KCNAB1: variants seen among roughly 807,000 people sequenced by gnomAD.
The protein encoded by KCNAB1 is voltage-gated potassium channel subunit beta-1.
KCNAB1 carries 35 observed loss-of-function variants against 64.6 expected under a neutral mutation model. The ratio of observed to expected loss-of-function variants is 0.54; its 90% CI spans 0.41 to 0.72. The LOEUF (loss-of-function observed/expected upper bound fraction) is 0.72. KCNAB1 is among the 30% of genes least tolerant of loss of function. The pLI is 0.00. For missense variants in KCNAB1, 401 were observed against 512.9 expected (o/e 0.78, Z 2.11); for synonymous variants, 177 against 183.8 (o/e 0.96, Z 0.30).
At chr3:156,289,130 C>T (rs1205878578) in intron 1 of KCNAB1, among the ~76,000 whole-genome samples, 1 of 152,238 alleles carries the variant, frequency 6.6e-6, no homozygotes, top group Non-Finnish European at 1.5e-5. Flanking sequence ...TCAGAAATTG[C>T]TCTGCTAGTT....
At chr3:156,370,031 A>T (rs901673621) in intron 1 of KCNAB1, among the ~76,000 whole-genome samples, 3 of 152,234 alleles carry the variant, frequency 2.0e-5, no homozygotes, top group Non-Finnish European at 4.4e-5. Context: ...GTTCATAAAA[A>T]GGGACAATAT....
At chr3:156,482,892 A>G (rs1277560259) in intron 8 of KCNAB1, among the ~76,000 whole-genome samples, 1 of 152,092 alleles carries the variant, frequency 6.6e-6, no homozygotes, top group Non-Finnish European at 1.5e-5. Context: ...ATGCAATTGT[A>G]GTCTCCAGGT....
intron 11 of KCNAB1, among the ~76,000 whole-genome samples, chr3:156,522,153 T>A (rs151220265): frequency 4.0e-5 from 6 of 148,162 alleles, no homozygotes; most frequent in African/African-American, 1.5e-4. Flanking sequence ...ACATGCATGG[T>A]ATATACTGAA....
At chr3:156,292,574 G>A (rs1173585507) in intron 1 of KCNAB1, among the ~76,000 whole-genome samples, 1 of 152,162 alleles carries the variant, frequency 6.6e-6, no homozygotes, top group Non-Finnish European at 1.5e-5. Context: ...GTCTCGCTCT[G>A]TTGCCCAGGC....
intron 12 of KCNAB1, among the ~76,000 whole-genome samples, chr3:156,529,597 C>T (rs186428479): frequency 1.1e-4 from 16 of 152,226 alleles, no homozygotes; most frequent in African/African-American, 3.1e-4. Context: ...ATCAGAAACT[C>T]AGCGGGTGAG....
intron 1 of KCNAB1, among the ~76,000 whole-genome samples, chr3:156,140,811 A>T (rs926315753): frequency 6.6e-6 from 1 of 152,226 alleles, no homozygotes; most frequent in African/African-American, 2.4e-5. Flanking sequence ...TTTGAATTGC[A>T]AGTGGAATTT....
intron 8 of KCNAB1, among the ~76,000 whole-genome samples, chr3:156,504,889 G>A (rs1013053294): frequency 6.6e-6 from 1 of 151,792 alleles, no homozygotes; most frequent in East Asian, 1.9e-4. Flanking sequence ...CTCCTTTGCT[G>A]TGCAGAAGCT....
At chr3:156,233,687 G>T (rs1217646098) in intron 1 of KCNAB1, among the ~76,000 whole-genome samples, 1 of 152,154 alleles carries the variant, frequency 6.6e-6, no homozygotes, top group Non-Finnish European at 1.5e-5. Flanking sequence ...TGGAGAATGA[G>T]GTGGCCCAGG....
intron 1 of KCNAB1, among the ~76,000 whole-genome samples, chr3:156,195,105 A>T (rs963724660): frequency 6.6e-6 from 1 of 152,082 alleles, no homozygotes; most frequent in Non-Finnish European, 1.5e-5. Context: ...TCCCTGCAAA[A>T]GATATGACCT....
At chr3:156,157,980 G>C (rs951254232) in intron 1 of KCNAB1, among the ~76,000 whole-genome samples, 3 of 151,642 alleles carry the variant, frequency 2.0e-5, no homozygotes, top group African/African-American at 7.3e-5. Flanking sequence ...TGGCTAACAC[G>C]GTGAAACCCC....
chr3:156,361,277 C>A (rs1393965021), intron 1 of KCNAB1, among the ~76,000 whole-genome samples: 1 of 152,174 alleles, frequency 6.6e-6, no homozygotes, highest in Non-Finnish European at 1.5e-5. Flanking sequence ...CCCTAGCCAT[C>A]CACGTGGCTG....
chr3:156,289,859 A>AT (rs894966553), intron 1 of KCNAB1, among the ~76,000 whole-genome samples: 8 of 152,272 alleles, frequency 5.3e-5, no homozygotes, highest in South Asian at 2.1e-4. Flanking sequence ...CAGACCAGCT[A>AT]TTTTTTTAAT....
At chr3:156,363,648 G>C (rs1409474636) in intron 1 of KCNAB1, among the ~76,000 whole-genome samples, 1 of 152,048 alleles carries the variant, frequency 6.6e-6, no homozygotes, top group Non-Finnish European at 1.5e-5. Context: ...GCTAATTTTT[G>C]TATTTTTCAG....
intron 7 of KCNAB1, among the ~76,000 whole-genome samples, chr3:156,469,951 C>T (rs982762453): frequency 6.6e-6 from 1 of 152,056 alleles, no homozygotes; most frequent in Non-Finnish European, 1.5e-5. Context: ...TGACCTCACT[C>T]GACATTGGAG....
chr3:156,144,651 G>A (rs778353340), intron 1 of KCNAB1, among the ~76,000 whole-genome samples: 2 of 152,082 alleles, frequency 1.3e-5, no homozygotes, highest in African/African-American at 2.4e-5. Context: ...GTCCCCCCAC[G>A]TTTTCTCTCT....
chr3:156,350,335 G>A (rs868146380), intron 1 of KCNAB1, among the ~76,000 whole-genome samples: 8 of 152,090 alleles, frequency 5.3e-5, no homozygotes, highest in South Asian at 2.1e-4. Flanking sequence ...GGGTCATTGA[G>A]CCCAGGAGTT....
intron 1 of KCNAB1, among the ~76,000 whole-genome samples, chr3:156,124,352 G>T (rs932506155): frequency 3.3e-5 from 5 of 151,856 alleles, no homozygotes; most frequent in African/African-American, 1.2e-4. Context: ...AAGTAGCTAG[G>T]ATTACAGGTG....
intron 1 of KCNAB1, among the ~76,000 whole-genome samples, chr3:156,342,609 A>ATTTTTT (rs59689669): frequency 3.8e-5 from 4 of 104,692 alleles, no homozygotes; most frequent in East Asian, 2.9e-4. Flanking sequence ...TTTTTTTTTA[A>ATTTTTT]TTTTTTTTTT....
At chr3:156,160,432 T>C (rs1716007127) in intron 1 of KCNAB1, among the ~76,000 whole-genome samples, 1 of 152,152 alleles carries the variant, frequency 6.6e-6, no homozygotes, top group Non-Finnish European at 1.5e-5. Flanking sequence ...CTCTTCTCCA[T>C]CTCCTCCTCC....
Sources: allele counts gnomAD v4.1 joint callset (sites outside exome capture counted in the v4.1 genomes callset), GRCh38; gene constraint gnomAD v4.1.1; transcripts MANE v1.5; gene names NCBI Gene and HGNC (gene_info 2026-07-23, HGNC 2026-07-21).